The following PCSK2 variants were observed in gnomAD, a reference collection of about 807,000 sequenced individuals.
PCSK2 encodes the protein neuroendocrine convertase 2.
A neutral mutation model predicts 69.7 loss-of-function variants in PCSK2; 14 were observed. The ratio of observed to expected loss-of-function variants is 0.20; its 90% confidence interval spans 0.13 to 0.31. PCSK2 has a LOEUF of 0.31. Among genes scored for constraint, PCSK2 ranks in the 10% least tolerant of loss-of-function variants. The pLI is 1.00. For synonymous variants in PCSK2, 307 were observed against 320.7 expected, an observed-to-expected ratio of 0.96 and a Z score of 0.46; for missense variants, 544 against 842.5, an observed-to-expected ratio of 0.65 and a Z score of 4.39.
chr20:17,378,917 C>T (rs917739169), intron 5 of PCSK2, among the ~76,000 whole-genome samples: 16 of 152,170 alleles, frequency 1.1e-4, no homozygotes, highest in African/African-American at 2.2e-4. Context: ...TCGGTATATA[C>T]GCACTGAATT....
At chr20:17,435,794 C>A (rs1355589906) in intron 7 of PCSK2, among the ~76,000 whole-genome samples, 1 of 152,188 alleles carries the variant, frequency 6.6e-6, no homozygotes, top group Non-Finnish European at 1.5e-5. Flanking sequence ...AGGCATGTGA[C>A]CCCGTCAGCG....
At chr20:17,394,568 G>T (rs994118141) in intron 5 of PCSK2, among the ~76,000 whole-genome samples, 2 of 152,112 alleles carry the variant, frequency 1.3e-5, no homozygotes, top group Non-Finnish European at 2.9e-5. Flanking sequence ...TCTCTTCCTG[G>T]TTCTTGAAAA....
intron 5 of PCSK2, among the ~76,000 whole-genome samples, chr20:17,406,146 T>C (rs1243814462): frequency 6.6e-6 from 1 of 152,192 alleles, no homozygotes; most frequent in African/African-American, 2.4e-5. Context: ...TTAATGGCAA[T>C]TATAGAAGAC....
intron 11 of PCSK2, among the ~76,000 whole-genome samples, chr20:17,479,720 C>G (rs3790333): frequency 0.13 from 19,098 of 148,748 alleles, 1,162 homozygotes; most frequent in East Asian, 0.15. Flanking sequence ...TGGCGTGAAC[C>G]CGGGAGGCGG....
intron 2 of PCSK2, among the ~76,000 whole-genome samples, chr20:17,306,209 G>C: frequency 6.6e-6 from 1 of 152,062 alleles, no homozygotes; most frequent in Non-Finnish European, 1.5e-5. Flanking sequence ...TTCCTCAGTC[G>C]TTTCTTGGTT....
intron 5 of PCSK2, among the ~76,000 whole-genome samples, chr20:17,383,410 C>A (rs539013693): frequency 6.6e-6 from 1 of 152,300 alleles, no homozygotes; most frequent in African/African-American, 2.4e-5. Flanking sequence ...TATATTTCTT[C>A]ATAGCTACAA....
chr20:17,341,910 A>C (rs1026809078), intron 2 of PCSK2, among the ~76,000 whole-genome samples: 1 of 152,214 alleles, frequency 6.6e-6, no homozygotes, highest in Admixed American at 6.5e-5. Context: ...TCACATGTGC[A>C]ATATGCATTT....
chr20:17,347,081 T>C (rs991771950), intron 2 of PCSK2, among the ~76,000 whole-genome samples: 3 of 152,214 alleles, frequency 2.0e-5, no homozygotes, highest in Non-Finnish European at 1.5e-5. Context: ...CCCTCCTCAA[T>C]TGATCATCTT....
At chr20:17,429,375 G>A (rs758552998) in intron 6 of PCSK2, 60 bp from the exon 7 acceptor site, 1 of 1,236,354 alleles carries the variant, frequency 8.1e-7, no homozygotes, top group Non-Finnish European at 1.2e-6. Context: ...TTGAGCCCAT[G>A]AGAGATCTAG....
intron 2 of PCSK2, among the ~76,000 whole-genome samples, chr20:17,303,096 T>C (rs1989139765): frequency 6.7e-6 from 1 of 150,222 alleles, no homozygotes; most frequent in Admixed American, 6.7e-5. Context: ...ACATCTCTAA[T>C]GTCAAGTTGC....
At chr20:17,424,804 T>C (rs570828924) in intron 6 of PCSK2, among the ~76,000 whole-genome samples, 262 of 146,568 alleles carry the variant, frequency 1.8e-3, no homozygotes, top group African/African-American at 5.2e-3. Flanking sequence ...TATTTTTATT[T>C]GAGACAGTCT....
intron 5 of PCSK2, among the ~76,000 whole-genome samples, chr20:17,374,120 A>G (rs1374890184): frequency 1.3e-5 from 2 of 152,194 alleles, no homozygotes. Context: ...TCTCTAAGTC[A>G]ATACAATGGC....
intron 2 of PCSK2, among the ~76,000 whole-genome samples, chr20:17,337,379 C>A (rs376528616): frequency 1.3e-5 from 2 of 152,186 alleles, no homozygotes; most frequent in East Asian, 1.9e-4. Context: ...TCAGTTTTTG[C>A]GATGTTCTTA....
At chr20:17,282,004 C>A (rs1440752850) in intron 2 of PCSK2, among the ~76,000 whole-genome samples, 1 of 152,162 alleles carries the variant, frequency 6.6e-6, no homozygotes, top group South Asian at 2.1e-4. Flanking sequence ...GTGCCATTCA[C>A]ACAATCCATA....
chr20:17,266,478 A>G lies in PCSK2; in HGVS notation c.282+6134A>G, dbSNP rs117806613. On this transcript the variant is annotated intron_variant, in intron 2 of 11. Coordinates refer to ENST00000262545, the MANE Select transcript of PCSK2 (RefSeq NM_002594.5). ...CAATATCAGTTTCTAACCCTTAAGG[A>G]GTTTTCAAAGTTAATTTTAACCATG... is the stretch of plus-strand genomic sequence containing the variant. 6.6e-3 allele frequency among the ~76,000 whole-genome samples: 1,002 copies of G among 152,332 alleles called. 3 individuals are homozygous for G. Among genetic ancestry groups the G allele is most frequent in the Non-Finnish European group, 9.9e-3 (674 of 68,030 alleles).
intron 5 of PCSK2, among the ~76,000 whole-genome samples, chr20:17,384,099 G>A (rs567044555): frequency 8.5e-4 from 130 of 152,250 alleles, no homozygotes; most frequent in Non-Finnish European, 1.6e-3. Context: ...TTGTCTGTGC[G>A]TGTGCCATTG....
Position 17,227,241 on chromosome 20 carries a change from C to T in PCSK2, c.-65C>T. The T allele has an allele frequency of 8.9e-7, 1 of 1,127,302 alleles. No individual in the cohort carries two copies. Among genetic ancestry groups the T allele is most frequent in the Non-Finnish European group, 1.3e-6 (1 of 750,886 alleles). 69.8% of individuals were successfully genotyped at this position (1,127,302 alleles called of 1,614,324 possible). On this transcript the variant is annotated 5_prime_UTR_variant, in exon 1 of 12. Coordinates refer to ENST00000262545, the MANE Select transcript of PCSK2 (RefSeq NM_002594.5). ...ATAAGAATTCTTTATTTGCACCCTC[C>T]CTCCGAGTCCCCTGCTCCGCCAGCC... is the stretch of plus-strand genomic sequence containing the variant.
chr20:17,227,241 C>A lies in PCSK2; in HGVS notation c.-65C>A. On this transcript the variant is annotated 5_prime_UTR_variant, in exon 1 of 12. Transcript: ENST00000262545. ...ATAAGAATTCTTTATTTGCACCCTC[C>A]CTCCGAGTCCCCTGCTCCGCCAGCC... 1 of 1,127,302 alleles carries A rather than the reference C, an allele frequency of 8.9e-7. No homozygotes were observed. Among genetic ancestry groups the A allele is most frequent in the Non-Finnish European group, 1.3e-6 (1 of 750,886 alleles). The allele number at this position is 1,127,302 out of a possible 1,614,324, so 69.8% of individuals were successfully genotyped here.
At chr20:17,354,193 A>G (rs2030113877) in intron 2 of PCSK2, among the ~76,000 whole-genome samples, 1 of 152,266 alleles carries the variant, frequency 6.6e-6, no homozygotes, top group South Asian at 2.1e-4. Flanking sequence ...CATAGAAATA[A>G]TAGTGATACC....
Sources: gnomAD v4.1 joint callset for allele counts (sites outside exome capture counted in the v4.1 genomes callset) on GRCh38, gnomAD v4.1.1 for gene constraint, MANE v1.5 for transcripts, NCBI Gene and HGNC (gene_info 2026-07-23, HGNC 2026-07-21) for gene names.